Variants in MYOF observed in about 807,000 individuals in gnomAD.
MYOF encodes fer-1-like 3, myoferlin.
A neutral mutation model predicts 284.2 loss-of-function variants in MYOF; 244 were observed. The observed-to-expected ratio is 0.86, with a 90% confidence interval of 0.77 to 0.95. MYOF has a LOEUF of 0.95. MYOF is among the 40% of genes least tolerant of loss of function. MYOF has a pLI of 0.00. For missense variants in MYOF, 2,496 were observed against 2,560.6 expected (o/e 0.97, Z 0.54); for synonymous variants, 904 against 919.7 (o/e 0.98, Z 0.31).
rs916555324 is a variant in MYOF, at chr10:93,370,314, A to ATTTTTTTTTTTTTTTTTTTTTTT, written c.2458-539_2458-538insAAAAAAAAAAAAAAAAAAAAAAA. On this transcript the variant is annotated intron_variant, in intron 24 of 53. Coordinates refer to ENST00000359263, the MANE Select transcript of MYOF (RefSeq NM_013451.4). The stretch of plus-strand genomic sequence containing the variant: ...GTTGATCAAGCAGTAATGATTACTA[A>ATTTTTTTTTTTTTTTTTTTTTTT]TTTTTTTTTTTTTTTTTTTTTGAGA... Among the ~76,000 whole-genome samples, 26 of 122,424 alleles carry ATTTTTTTTTTTTTTTTTTTTTTT rather than the reference A, an allele frequency of 2.1e-4. 1 individual carries two copies. Among genetic ancestry groups the ATTTTTTTTTTTTTTTTTTTTTTT allele is most frequent in the African/African-American group, 8.5e-4 (24 of 28,274 alleles). The allele number at this position is 122,424 out of a possible 152,430, so 80.3% of individuals were successfully genotyped here.
chr10:93,479,204 G>T (rs556505909), intron 1 of MYOF, among the ~76,000 whole-genome samples: 1 of 150,954 alleles, frequency 6.6e-6, no homozygotes, highest in African/African-American at 2.4e-5. Flanking sequence ...GCAGTGGTGC[G>T]ATCTCTGCTC....
intron 1 of MYOF, among the ~76,000 whole-genome samples, chr10:93,470,749 T>C (rs1034897970): frequency 1.3e-5 from 2 of 152,196 alleles, no homozygotes; most frequent in African/African-American, 4.8e-5. Context: ...GCCTAGACTA[T>C]AAGCTGCATG....
chr10:93,369,912 A>G (rs1007292520), intron 24 of MYOF, 136 bp from the exon 25 acceptor site: 1 of 1,103,422 alleles, frequency 9.1e-7, no homozygotes, highest in African/African-American at 1.6e-5. Flanking sequence ...CAGTTAAAAC[A>G]TTTCCAGATG....
At chr10:93,412,661 T>A (rs1442955043) in intron 5 of MYOF, among the ~76,000 whole-genome samples, 1 of 152,196 alleles carries the variant, frequency 6.6e-6, no homozygotes, top group Non-Finnish European at 1.5e-5. Context: ...AGCAAGGAGC[T>A]TGCCTTTGCT....
intron 30 of MYOF, 27 bp downstream of exon 30, chr10:93,356,648 T>C (rs747875392): frequency 6.2e-7 from 1 of 1,602,286 alleles, no homozygotes; most frequent in South Asian, 1.1e-5. Context: ...ACCAATATGA[T>C]CTGCGCTCTG....
chr10:93,321,222 T>A (rs1842826710), intron 48 of MYOF, among the ~76,000 whole-genome samples: 1 of 152,112 alleles, frequency 6.6e-6, no homozygotes, highest in Non-Finnish European at 1.5e-5. Flanking sequence ...GATTCCCAGG[T>A]CAGTCTGATT....
intron 42 of MYOF, 58 bp downstream of exon 42, chr10:93,333,700 G>A: frequency 6.3e-7 from 1 of 1,585,002 alleles, no homozygotes; most frequent in Admixed American, 1.7e-5. Context: ...GACAATTATT[G>A]TGGCTGATGA....
chr10:93,447,985 C>T (rs921944806), intron 3 of MYOF, among the ~76,000 whole-genome samples: 3 of 152,312 alleles, frequency 2.0e-5, no homozygotes, highest in East Asian at 1.9e-4. Context: ...AAGCTTTTAA[C>T]GGATTCTCAT....
At chr10:93,436,025 G>A (rs1265367910) in intron 3 of MYOF, among the ~76,000 whole-genome samples, 2 of 151,410 alleles carry the variant, frequency 1.3e-5, no homozygotes, top group Non-Finnish European at 2.9e-5. Flanking sequence ...AGAATGCTAG[G>A]CAGGGTTTCT....
chr10:93,354,533 G>C (rs1844692449), intron 31 of MYOF, among the ~76,000 whole-genome samples: 1 of 152,128 alleles, frequency 6.6e-6, no homozygotes, highest in African/African-American at 2.4e-5. Context: ...AGCAGCTATA[G>C]AAACGGGGCT....
At position 93,351,490 on chromosome 10, in the gene MYOF, G is replaced by C; in HGVS notation, c.3745C>G (p.Leu1249Val). 6.2e-7 allele frequency: 1 copy of C among 1,614,222 alleles called. No homozygotes were observed. Among genetic ancestry groups the C allele is most frequent in the Non-Finnish European group, 8.5e-7 (1 of 1,180,028 alleles). ...TCTCCATTCATTACTGGGTGCCAGA[G>C]AAGTTTGGGTGTGATGTCCATTTCT... ...NSEMDITPKL[L>V]WHPVMNGDKA... is the part of the protein sequence containing the mutation. Residue 1249 changes from leucine to valine, a missense_variant, in exon 34 of 54, where the codon CTC becomes GTC. Physicochemically the swap from Leu to Val is conservative, Grantham distance 32 (BLOSUM62 1). Around this residue, in one of 3 missense-constraint regions of MYOF, gnomAD observed 2,436 missense variants for 2,480.7 expected, o/e 0.98. Coordinates refer to ENST00000359263, the MANE Select transcript of MYOF (RefSeq NM_013451.4).
chr10:93,477,480 G>A (rs1238259166), intron 1 of MYOF, among the ~76,000 whole-genome samples: 3 of 57,322 alleles, frequency 5.2e-5, no homozygotes, highest in Non-Finnish European at 1.0e-4. Context: ...CAACAAGAGC[G>A]AAACTCTGTG....
At chr10:93,458,539 G>C (rs557188060) in intron 1 of MYOF, among the ~76,000 whole-genome samples, 1 of 152,060 alleles carries the variant, frequency 6.6e-6, no homozygotes, top group East Asian at 1.9e-4. Flanking sequence ...AGACCAGCCT[G>C]GCCAACATGG....
chr10:93,415,221 C>T (rs184609195), intron 5 of MYOF, among the ~76,000 whole-genome samples: 133 of 152,252 alleles, frequency 8.7e-4, no homozygotes, highest in African/African-American at 3.0e-3. Context: ...CTGCATGCCC[C>T]TCGATCCCTT....
intron 1 of MYOF, among the ~76,000 whole-genome samples, chr10:93,478,840 A>AAAGAAAGAAAGAAAGAAAG (rs1564748718): frequency 1.3e-5 from 1 of 78,052 alleles, no homozygotes; most frequent in African/African-American, 5.1e-5. Context: ...AAAAAAAAAA[A>AAAGAAAGAAAGAAAGAAAG]AAAGAAAGAA....
rs56931116 is a variant in MYOF at position 93,475,284 on chromosome 10, A to G, written c.88+6823T>C. Among the ~76,000 whole-genome samples, 659 of 152,352 alleles carry G rather than the reference A, an allele frequency of 4.3e-3. 1 individual carries two copies. The highest frequency in any genetic ancestry group is 0.015 in the African/African-American group (616 of 41,588). On this transcript the variant is annotated intron_variant, in intron 1 of 53. Coordinates refer to ENST00000359263, the MANE Select transcript of MYOF (RefSeq NM_013451.4). ...AACAGCTGTTCAATAGAAATTACAC[A>G]GTGAGTCAGCTGACCACTGCCATAT...
chr10:93,308,472 C>G (rs1385805454), intron 53 of MYOF, among the ~76,000 whole-genome samples: 2 of 149,904 alleles, frequency 1.3e-5, no homozygotes, highest in Admixed American at 1.3e-4. Flanking sequence ...GTAATCCCAG[C>G]TACTCGGGAG....
At chr10:93,357,090 T>C (rs1033795448) in intron 29 of MYOF, among the ~76,000 whole-genome samples, 1 of 152,206 alleles carries the variant, frequency 6.6e-6, no homozygotes. Context: ...GTCGTGGACA[T>C]ACCCTCAGGA....
intron 24 of MYOF, among the ~76,000 whole-genome samples, chr10:93,370,764 G>T (rs1275006743): frequency 6.6e-6 from 1 of 152,120 alleles, no homozygotes; most frequent in African/African-American, 2.4e-5. Flanking sequence ...AATTTTTTGA[G>T]TTGTAAGTTG....
Sources: allele counts gnomAD v4.1 joint callset (sites outside exome capture counted in the v4.1 genomes callset), GRCh38; gene constraint gnomAD v4.1.1; regional missense constraint gnomAD v4.1.1; transcripts MANE v1.5; gene names NCBI Gene and HGNC (gene_info 2026-07-23, HGNC 2026-07-21).